The following MIB2 variants were observed in gnomAD, a reference collection of about 807,000 sequenced individuals.
MIB2 encodes the protein MIB E3 ubiquitin protein ligase 2, also known as E3 ubiquitin-protein ligase MIB2.
MIB2 carries 78 observed loss-of-function variants against 96.6 expected under a neutral mutation model. The ratio of observed to expected loss-of-function variants is 0.81; its 90% confidence interval spans 0.67 to 0.97. The LOEUF is 0.97. MIB2 is among the 50% of genes least tolerant of loss of function. The pLI is 0.00. For synonymous variants in MIB2, 820 were observed against 629.5 expected, an observed-to-expected ratio of 1.30 and a Z score of -4.53; for missense variants, 1,543 against 1,424.0, an observed-to-expected ratio of 1.08 and a Z score of -1.35.
chr1:1,629,566 G>A lies in MIB2; in HGVS notation c.2563G>A (p.Glu855Lys), dbSNP rs1273017123. 5 of 1,547,724 alleles carry A rather than the reference G, an allele frequency of 3.2e-6. No individual in the cohort carries two copies. Among genetic ancestry groups the A allele is most frequent in the Non-Finnish European group, 4.4e-6 (5 of 1,146,480 alleles). The stretch of plus-strand genomic sequence containing the variant: ...GTGCCAGCACCGCACCGTGTGTGAG[G>A]GTGAGTGGGGGGCCCCGGGGTGGGG... ...SPCQHRTVCEECARRMKKCIR... is the reference protein window; with the variant it reads ...SPCQHRTVCEKCARRMKKCIR... The change falls in exon 18 of 20, where the codon GAG (glutamate) becomes AAG (lysine). Residue 855 changes from glutamate to lysine, a missense_variant and splice_region_variant. Physicochemically the swap from Glu to Lys is moderately conservative, Grantham distance 56. Transcript: ENST00000355826.
chr1:1,621,362 G>A (rs1644247454), intron 2 of MIB2, among the ~76,000 whole-genome samples: 1 of 152,250 alleles, frequency 6.6e-6, no homozygotes, highest in Non-Finnish European at 1.5e-5. Flanking sequence ...GAGGCCGTGG[G>A]GAGGGCAGAG....
At chr1:1,623,314 CCT>C in intron 2 of MIB2, 115 bp from the exon 3 acceptor site, 1 of 1,455,322 alleles carries the variant, frequency 6.9e-7, no homozygotes, top group Non-Finnish European at 9.1e-7. Flanking sequence ...CCCCGTTGGG[CCT>C]CTCTGCTCTC....
intron 1 of MIB2, 155 bp from the exon 2 acceptor site, chr1:1,616,353 C>T (rs555765864): frequency 2.9e-5 from 17 of 585,576 alleles, no homozygotes; most frequent in South Asian, 2.7e-4. Flanking sequence ...GCGCTCAGAC[C>T]CCAGGGAGCC....
intron 2 of MIB2, chr1:1,623,056 A>T: frequency 5.7e-6 from 2 of 351,518 alleles, no homozygotes. Context: ...GGGGGACGGC[A>T]GCTCTTACTT....
chr1:1,628,261 C>T lies in MIB2; in HGVS notation c.1842-12C>T. 1 of 1,612,994 alleles carries T rather than the reference C, an allele frequency of 6.2e-7. No individual in the cohort carries two copies. The highest frequency in any genetic ancestry group is 8.5e-7 in the Non-Finnish European group (1 of 1,179,922). On this transcript the variant is annotated splice_polypyrimidine_tract_variant and intron_variant, in intron 14 of 19. Transcript: ENST00000355826. Reference sequence around the variant, plus strand: ...CAGTCCCAGGTCCCAGACCAACCTCCCTGCTCCACAGAGCTGTGAGAAAGA... The same window carrying T: ...CAGTCCCAGGTCCCAGACCAACCTCTCTGCTCCACAGAGCTGTGAGAAAGA...
chr1:1,622,138 CAG>C (rs931370887), intron 2 of MIB2, among the ~76,000 whole-genome samples: 13 of 152,198 alleles, frequency 8.5e-5, no homozygotes, highest in African/African-American at 1.9e-4. Flanking sequence ...CACCCAGTCT[CAG>C]GGGTCCCTCC....
In MIB2 at chr1:1,626,636, T is replaced by A. The variant is rs771988257; in HGVS notation, c.973-14T>A. 6.5e-7 allele frequency: 1 copy of A among 1,540,560 alleles called. No individual in the cohort carries two copies. Among genetic ancestry groups the A allele is most frequent in the Non-Finnish European group, 8.7e-7 (1 of 1,145,262 alleles). ...ACAGCTGGGGGGCCCCTCACGCCCCTCTTTGTCGCTCAGCACCACTCCTTC... is the reference window on the plus strand; with the variant it reads ...ACAGCTGGGGGGCCCCTCACGCCCCACTTTGTCGCTCAGCACCACTCCTTC... On this transcript the variant is annotated splice_polypyrimidine_tract_variant and intron_variant, in intron 8 of 19. Coordinates refer to ENST00000355826, the MANE Select transcript of MIB2 (RefSeq NM_001170687.4). This position sits in a 1 kb window ranked among gnomAD's most constrained non-coding sequence, Gnocchi z 5.3.
At position 1,625,726 on chromosome 1, in the gene MIB2, G is replaced by C. The variant is rs1644697013; in HGVS notation, c.972+73G>C. The C allele has an allele frequency of 1.5e-6, 2 of 1,322,092 alleles. No homozygotes were observed. The highest frequency in any genetic ancestry group is 2.1e-6 in the Non-Finnish European group (2 of 948,678). The allele number at this position is 1,322,092 out of a possible 1,614,324, so 81.9% of individuals were successfully genotyped here. On this transcript the variant is annotated intron_variant, in intron 8 of 19. Transcript: ENST00000355826. The surrounding 1 kb of genome is among the most constrained non-coding windows in gnomAD (Gnocchi z 5.0). Reference sequence around the variant, plus strand: ...CTTCCACGTACCCCCTTGGCCTTGGGGGGTCAGGCAGGACTAGGGTGCCAG... The same window carrying C: ...CTTCCACGTACCCCCTTGGCCTTGGCGGGTCAGGCAGGACTAGGGTGCCAG...
intron 4 of MIB2, 145 bp from the exon 5 acceptor site, chr1:1,624,650 A>G: frequency 1.3e-6 from 1 of 772,270 alleles, no homozygotes; most frequent in Non-Finnish European, 2.2e-6. Context: ...TGGACCGGCC[A>G]TTCCCGGGCA....
Position 1,625,039 on chromosome 1 carries a change from T to C in MIB2, c.575T>C (p.Val192Ala), listed in dbSNP as rs1644608673. Residue 192 changes from valine to alanine, a missense_variant, in exon 6 of 20, where the codon GTG becomes GCG. Val to Ala is a moderately conservative substitution (Grantham distance 64, BLOSUM62 0). Transcript: ENST00000355826. This position sits in a 1 kb window ranked among gnomAD's most constrained non-coding sequence, Gnocchi z 5.0. ...GRVVDIRGWD[V>A]ETGRSVASVT... ...GTGGTGGACATCCGTGGCTGGGATG[T>C]GGAGACAGGCCGGAGTGTGGCCAGC... is the stretch of plus-strand genomic sequence containing the variant. 6.2e-7 allele frequency: 1 copy of C among 1,612,952 alleles called. No homozygotes were observed.
chr1:1,620,974 G>T (rs1644208077), intron 2 of MIB2, among the ~76,000 whole-genome samples: 1 of 152,280 alleles, frequency 6.6e-6, no homozygotes, highest in African/African-American at 2.4e-5. Context: ...GACATGCTCT[G>T]GGTGAGGCGC....
In MIB2 at chr1:1,625,175, C is replaced by T. The variant is rs1401945362; in HGVS notation, c.711C>T (p.Leu237=). Residue 237 remains leucine (L), a synonymous_variant, in exon 6 of 20, where the codon CTC becomes CTT. Transcript: ENST00000355826. This position sits in a 1 kb window ranked among gnomAD's most constrained non-coding sequence, Gnocchi z 5.0. ...GCGGCTTCTACTACAAGGACCACCTCCCAAGGCTCGGTATGAGGCTGTCAC... is the reference window on the plus strand; with the variant it reads ...GCGGCTTCTACTACAAGGACCACCTTCCAAGGCTCGGTATGAGGCTGTCAC... ...AAGGFYYKDH[L]PRLGKPAELQ... The T allele has an allele frequency of 6.2e-7, 1 of 1,610,570 alleles. No homozygotes were observed. Among genetic ancestry groups the T allele is most frequent in the Admixed American group, 1.7e-5 (1 of 59,948 alleles).
In MIB2 at chr1:1,616,565, C is replaced by T. The variant is rs756116522; in HGVS notation, c.-72C>T. 5.5e-5 allele frequency: 89 copies of T among 1,603,922 alleles called. 1 individual carries two copies. The highest frequency in any genetic ancestry group is 7.2e-5 in the Non-Finnish European group (85 of 1,175,822). On this transcript the variant is annotated 5_prime_UTR_variant, in exon 2 of 20. The change creates a premature stop within an existing upstream ORF in the 5' untranslated region. Transcript: ENST00000355826. The stretch of plus-strand genomic sequence containing the variant: ...CCAAAGTTTCCAGGCATCAGGGCTG[C>T]AGCCCAGGAGCCTCAAGGCGGCCCG...
chr1:1,629,238 G>A lies in MIB2; in HGVS notation c.2308G>A (p.Gly770Ser). 19 of 1,545,144 alleles carry A rather than the reference G, an allele frequency of 1.2e-5. No homozygotes were observed. Among genetic ancestry groups the A allele is most frequent in the Non-Finnish European group, 1.6e-5 (19 of 1,156,380 alleles). The change falls in exon 17 of 20, where the codon GGT becomes AGT. Residue 770 changes from glycine to serine, a missense_variant. Physicochemically the swap from Gly to Ser is moderately conservative, Grantham distance 56. Coordinates refer to ENST00000355826, the MANE Select transcript of MIB2 (RefSeq NM_001170687.4). ...GADVSYTNHRGRSPLDLAAEG... is the reference protein window; with the variant it reads ...GADVSYTNHRSRSPLDLAAEG... The stretch of plus-strand genomic sequence containing the variant: ...CGACGTGAGCTACACCAACCACCGC[G>A]GTCGGAGCCCGCTGGACCTGGCCGC...
chr1:1,623,470 G>A lies in MIB2; in HGVS notation c.18G>A (p.Gln6=). The change falls in exon 3 of 20, where the codon CAG becomes CAA. Residue 6 remains glutamine (Q), a synonymous_variant. Transcript: ENST00000355826. ...CGCCCAACATGGACCCAGACCCCCA[G>A]GCGGGCGTGCAGGTGGGCATGCGGG... MDPDP[Q]AGVQVGMRVV... 1 of 1,594,360 alleles carries A rather than the reference G, an allele frequency of 6.3e-7. No individual in the cohort carries two copies. Among genetic ancestry groups the A allele is most frequent in the Non-Finnish European group, 8.5e-7 (1 of 1,172,126 alleles).
intron 12 of MIB2, 52 bp downstream of exon 12, chr1:1,627,496 G>T (rs1409685843): frequency 6.5e-7 from 1 of 1,544,650 alleles, no homozygotes; most frequent in East Asian, 2.3e-5. Flanking sequence ...GCGTCCTGGG[G>T]TGAGGCCTGG....
chr1:1,618,077 G>T (rs1643910680), intron 2 of MIB2: 1 of 152,322 alleles, frequency 6.6e-6, no homozygotes. Context: ...CTGCTGGTCT[G>T]CTCCCTGGAG....
Position 1,627,314 on chromosome 1 carries a change from G to A in MIB2, c.1393G>A (p.Gly465Ser). The A allele has an allele frequency of 1.9e-6, 3 of 1,613,228 alleles. No individual in the cohort carries two copies. Among genetic ancestry groups the A allele is most frequent in the Non-Finnish European group, 2.5e-6 (3 of 1,179,976 alleles). The change falls in exon 12 of 20, where the codon GGC (glycine) becomes AGC (serine). Residue 465 changes from glycine (G) to serine (S), a missense_variant. Transcript: ENST00000355826. ...TTGGCAGGTGGACACCAAGAACCAA[G>A]GCAGGACCGCTCTGCAAGTGGCTGC... The part of the protein sequence containing the change: ...RPEQVDTKNQ[G>S]RTALQVAAYL...
chr1:1,617,426 C>T (rs1268532005), intron 2 of MIB2: 1 of 152,274 alleles, frequency 6.6e-6, no homozygotes, highest in Non-Finnish European at 1.5e-5. Context: ...CGGAAGTCCT[C>T]CTGCCCTCTG....
Sources: allele counts gnomAD v4.1 joint callset (sites outside exome capture counted in the v4.1 genomes callset), GRCh38; gene constraint gnomAD v4.1.1; non-coding constraint Gnocchi (gnomAD v3.1); transcripts MANE v1.5; gene names NCBI Gene and HGNC (gene_info 2026-07-23, HGNC 2026-07-21).